COL12A1: variants seen among roughly 807,000 people sequenced by gnomAD.
COL12A1 encodes the protein collagen alpha-1(XII) chain.
Under a neutral mutation model 349.7 loss-of-function variants are expected in COL12A1, and 114 were observed. That is an observed-to-expected ratio of 0.33 (90% CI 0.28 to 0.38). The LOEUF is 0.38. COL12A1 is among the 10% of genes least tolerant of loss of function. The pLI is 1.00. For synonymous variants in COL12A1, 1,369 were observed against 1,329.0 expected (o/e 1.03, Z -0.66); for missense variants, 3,284 against 3,756.9 (o/e 0.87, Z 3.29).
In COL12A1 at chr6:75,183,631, A is replaced by T; in HGVS notation, c.1310T>A (p.Ile437Lys). The T allele has an allele frequency of 6.2e-7, 1 of 1,611,626 alleles. No homozygotes were observed. Residue 437 changes from isoleucine (I) to lysine (K), a missense_variant, in exon 10 of 66, where the codon ATA becomes AAA. Ile to Lys is a moderately radical substitution (Grantham distance 102). Around this residue, in one of 2 missense-constraint regions of COL12A1, gnomAD observed 2,601 missense variants for 2,824.8 expected, o/e 0.92. Transcript: ENST00000322507. ...AACCAAAAACACAATATCGGCTTTTATATCCACACCACGTGAGCATTCTGT... is the reference window on the plus strand; with the variant it reads ...AACCAAAAACACAATATCGGCTTTTTTATCCACACCACGTGAGCATTCTGT... Reference protein sequence around the residue: ...VQVECSRGVDIKADIVFLVDG... With the variant: ...VQVECSRGVDKKADIVFLVDG...
At chr6:75,127,289 G>T (rs557439073) in intron 38 of COL12A1, among the ~76,000 whole-genome samples, 2 of 152,182 alleles carry the variant, frequency 1.3e-5, no homozygotes, top group South Asian at 2.1e-4. Flanking sequence ...AGTCTCCATT[G>T]ACTCAGTCTG....
chr6:75,196,457 G>A (rs1412110723), intron 2 of COL12A1, among the ~76,000 whole-genome samples: 1 of 152,172 alleles, frequency 6.6e-6, no homozygotes, highest in Non-Finnish European at 1.5e-5. Flanking sequence ...GTGGACTGCT[G>A]CGTCCAACTG....
intron 14 of COL12A1, among the ~76,000 whole-genome samples, chr6:75,164,043 T>C (rs1768156130): frequency 6.6e-6 from 1 of 152,198 alleles, no homozygotes; most frequent in Non-Finnish European, 1.5e-5. Flanking sequence ...TCTTGACAAG[T>C]GAATTTCCTC....
chr6:75,126,563 G>C, intron 38 of COL12A1, 93 bp from the exon 39 acceptor site: 2 of 1,360,392 alleles, frequency 1.5e-6, no homozygotes, highest in Non-Finnish European at 2.0e-6. Context: ...AGCCCAATGG[G>C]AGCAATTTCA....
At position 75,115,769 on chromosome 6, in the gene COL12A1, T is replaced by G; in HGVS notation, c.7697+15A>C. On this transcript the variant is annotated intron_variant, in intron 49 of 65. Coordinates refer to ENST00000322507, the MANE Select transcript of COL12A1 (RefSeq NM_004370.6). ...AGGTCTTAAGAAAAGGAAAACCTCC[T>G]GTTGTCACACTTACGCTGTAGGCTG... The G allele has an allele frequency of 6.3e-7, 1 of 1,579,186 alleles. No individual in the cohort carries two copies. Among genetic ancestry groups the G allele is most frequent in the Non-Finnish European group, 8.6e-7 (1 of 1,166,376 alleles).
At chr6:75,127,685 G>A (rs905181288) in intron 38 of COL12A1, among the ~76,000 whole-genome samples, 17 of 152,098 alleles carry the variant, frequency 1.1e-4, no homozygotes, top group African/African-American at 3.4e-4. Flanking sequence ...GAACCCAGGC[G>A]TAAGTATTTT....
intron 53 of COL12A1, 124 bp downstream of exon 53, chr6:75,106,295 T>C: frequency 1.3e-6 from 1 of 775,334 alleles, no homozygotes; most frequent in South Asian, 1.8e-5. Context: ...CACCCACACA[T>C]TGCGTGTCTT....
chr6:75,133,612 A>G (rs1766424124), intron 33 of COL12A1, among the ~76,000 whole-genome samples, 190 bp from the exon 34 acceptor site: 1 of 152,090 alleles, frequency 6.6e-6, no homozygotes, highest in Non-Finnish European at 1.5e-5. Context: ...CAGCCATCCA[A>G]TACTCCCCAC....
chr6:75,143,448 T>C, intron 25 of COL12A1, 60 bp from the exon 26 acceptor site: 3 of 1,567,544 alleles, frequency 1.9e-6, no homozygotes, highest in South Asian at 2.4e-5. Context: ...CTCCAAAGCA[T>C]CCATGCAAGC....
intron 16 of COL12A1, among the ~76,000 whole-genome samples, chr6:75,154,985 T>C (rs1396833355): frequency 2.6e-5 from 4 of 152,212 alleles, no homozygotes; most frequent in Non-Finnish European, 5.9e-5. Flanking sequence ...TTATACTCCC[T>C]ACTCTGGTAA....
intron 41 of COL12A1, 39 bp from the exon 42 acceptor site, chr6:75,124,133 C>A (rs989390846): frequency 1.3e-6 from 2 of 1,598,374 alleles, no homozygotes; most frequent in African/African-American, 1.3e-5. Flanking sequence ...GTGTCATCAC[C>A]AATTATATTT....
intron 22 of COL12A1, 141 bp downstream of exon 22, chr6:75,148,217 G>C: frequency 1.4e-6 from 1 of 719,140 alleles, no homozygotes. Context: ...GCAAAGTCAA[G>C]AATAGAAAGC....
In COL12A1 at chr6:75,130,170, G is replaced by T. The variant is rs1291334512; in HGVS notation, c.6131C>A (p.Ala2044Asp). 6.2e-7 allele frequency: 1 copy of T among 1,613,980 alleles called. No homozygotes were observed. The highest frequency in any genetic ancestry group is 8.5e-7 in the Non-Finnish European group (1 of 1,179,966). ...FGETTNSLSV[A>D]WDHADGPVQQ... The stretch of plus-strand genomic sequence containing the variant: ...AACTGGCCCATCAGCATGATCCCAG[G>T]CTACCGAGAGGCTATTGGTTGTTTC... The change falls in exon 37 of 66, where the codon GCC (alanine) becomes GAC (aspartate). Residue 2044 changes from alanine (A) to aspartate (D), a missense_variant. By Grantham distance (126) the Ala-to-Asp change is moderately radical. Around this residue, in one of 2 missense-constraint regions of COL12A1, gnomAD observed 2,601 missense variants for 2,824.8 expected, o/e 0.92. Transcript: ENST00000322507.
intron 34 of COL12A1, 149 bp downstream of exon 34, chr6:75,133,144 G>T: frequency 1.8e-6 from 1 of 545,762 alleles, no homozygotes; most frequent in Non-Finnish European, 3.0e-6. Context: ...GTTAACATTT[G>T]GTGTTAGGAA....
chr6:75,193,621 T>A (rs562572616), intron 3 of COL12A1, among the ~76,000 whole-genome samples: 52 of 152,360 alleles, frequency 3.4e-4, no homozygotes, highest in African/African-American at 1.3e-3. Context: ...AGAGTACGTG[T>A]GCACAACGTG....
chr6:75,122,549 A>G (rs1193221156), intron 43 of COL12A1, among the ~76,000 whole-genome samples: 2 of 152,186 alleles, frequency 1.3e-5, no homozygotes, highest in Non-Finnish European at 2.9e-5. Flanking sequence ...TTAAACCAAG[A>G]TTATTTACTG....
At position 75,130,112 on chromosome 6, in the gene COL12A1, A is replaced by G. The variant is rs1331815083; in HGVS notation, c.6189T>C (p.Val2063=). ...TTACATATTCATCAATTGGATCACCAACAGTGGGAGAATAGATGATCCTGT... is the reference window on the plus strand; with the variant it reads ...TTACATATTCATCAATTGGATCACCGACAGTGGGAGAATAGATGATCCTGT... ...QQYRIIYSPT[V]GDPIDEYTTV... The change falls in exon 37 of 66, where the codon GTT becomes GTC. Residue 2063 remains valine (V), a synonymous_variant. Coordinates refer to ENST00000322507, the MANE Select transcript of COL12A1 (RefSeq NM_004370.6). 1.2e-6 allele frequency: 2 copies of G among 1,613,712 alleles called. No individual in the cohort carries two copies. Among genetic ancestry groups the G allele is most frequent in the Non-Finnish European group, 1.7e-6 (2 of 1,179,924 alleles).
chr6:75,138,649 G>A, intron 28 of COL12A1, 69 bp from the exon 29 acceptor site: 2 of 1,590,286 alleles, frequency 1.3e-6, no homozygotes, highest in South Asian at 2.3e-5. Flanking sequence ...CACACTCAAT[G>A]GCAGTTTATT....
At chr6:75,131,881 G>T in intron 35 of COL12A1, 59 bp downstream of exon 35, 1 of 1,584,822 alleles carries the variant, frequency 6.3e-7, no homozygotes, top group Non-Finnish European at 8.6e-7. Flanking sequence ...TATCAAACGT[G>T]ACACAAACAT....
Sources: gnomAD v4.1 joint callset for allele counts (sites outside exome capture counted in the v4.1 genomes callset) on GRCh38, gnomAD v4.1.1 for gene constraint, gnomAD v4.1.1 regional missense constraint, MANE v1.5 for transcripts, NCBI Gene and HGNC (gene_info 2026-07-23, HGNC 2026-07-21) for gene names.